The following RNMT variants were observed in gnomAD, a reference collection of about 807,000 sequenced individuals.
RNMT encodes the protein RNA guanine-7 methyltransferase.
RNMT carries 27 observed loss-of-function variants against 56.0 expected under a neutral mutation model. The observed-to-expected ratio is 0.48, with a 90% CI of 0.36 to 0.67. RNMT has a LOEUF of 0.67. Among genes scored for constraint, RNMT ranks in the 30% least tolerant of loss-of-function variants. The probability of loss-of-function intolerance (pLI) is 0.00; values close to 1 mark genes in which losing one functional copy is unlikely to be tolerated. For missense variants in RNMT, 519 were observed against 552.1 expected, an observed-to-expected ratio of 0.94 and a Z score of 0.60; for synonymous variants, 184 against 176.2, an observed-to-expected ratio of 1.04 and a Z score of -0.35.
intron 3 of RNMT, among the ~76,000 whole-genome samples, chr18:13,733,263 T>G (rs1450797853): frequency 1.3e-5 from 2 of 152,182 alleles, no homozygotes; most frequent in Non-Finnish European, 1.5e-5. Context: ...TCATGGCATT[T>G]TTACAGGATT....
At chr18:13,731,133 G>A (rs1039094787) in intron 2 of RNMT, among the ~76,000 whole-genome samples, 1 of 152,124 alleles carries the variant, frequency 6.6e-6, no homozygotes, top group East Asian at 1.9e-4. Context: ...TAGGCCAGGC[G>A]CAGTGGCTTA....
Position 13,731,501 on chromosome 18 carries a change from A to C in RNMT, c.-17A>C. The C allele has an allele frequency of 1.9e-6, 3 of 1,565,702 alleles. No homozygotes were observed. The highest frequency in any genetic ancestry group is 2.6e-6 in the Non-Finnish European group (3 of 1,157,830). ...TGTTGGTTCATGAAGTTTTACCATC[A>C]ATTCAAGTAATCATAAATGGCAAAT... On this transcript the variant is annotated 5_prime_UTR_variant, in exon 3 of 12. Coordinates refer to ENST00000383314, the MANE Select transcript of RNMT (RefSeq NM_003799.3).
chr18:13,763,923 G>A lies in RNMT; in HGVS notation c.*3944G>A, dbSNP rs2044648437. On this transcript the variant is annotated 3_prime_UTR_variant, in exon 12 of 12. Coordinates refer to ENST00000383314, the MANE Select transcript of RNMT (RefSeq NM_003799.3). ...AGGAGTGTTTATTTCTGAGTAAGGG[G>A]CTTTGTTGAAAGAGGGGGTTAGAGA... 1 of 152,284 alleles carries A rather than the reference G, an allele frequency of 6.6e-6. No individual in the cohort carries two copies. The highest frequency in any genetic ancestry group is 1.5e-5 in the Non-Finnish European group (1 of 68,110). 9.4% of individuals were successfully genotyped at this position (152,284 alleles called of 1,614,324 possible). A position where few individuals can be genotyped will look rare whatever the true frequency, so the allele number is the denominator to read the frequency against.
chr18:13,758,696 T>C (rs2044580837), intron 11 of RNMT, among the ~76,000 whole-genome samples: 1 of 152,192 alleles, frequency 6.6e-6, no homozygotes. Context: ...TCCAGTGTGT[T>C]CATTGGAGTA....
In RNMT at chr18:13,761,679, G is replaced by T. The variant is rs920310691; in HGVS notation, c.*1700G>T. On this transcript the variant is annotated 3_prime_UTR_variant, in exon 12 of 12. Transcript: ENST00000383314. ...CCTTCAGTGAACAGAAAGGAGCAGA[G>T]AGCAAGATTAGATCTGAGAAGATGC... The T allele has an allele frequency of 1.8e-5, 19 of 1,042,704 alleles. No homozygotes were observed. The highest frequency in any genetic ancestry group is 2.2e-5 in the Non-Finnish European group (19 of 865,604). The allele number at this position is 1,042,704 out of a possible 1,614,324, so 64.6% of individuals were successfully genotyped here. A position where few individuals can be genotyped will look rare whatever the true frequency, so the allele number is the denominator to read the frequency against.
chr18:13,742,763 G>A, intron 8 of RNMT, 111 bp downstream of exon 8: 4 of 740,280 alleles, frequency 5.4e-6, no homozygotes, highest in Non-Finnish European at 6.2e-6. Flanking sequence ...TAAAGAAAAA[G>A]TATAATCTTG....
chr18:13,734,782 G>A (rs73416649), intron 4 of RNMT, among the ~76,000 whole-genome samples, 183 bp downstream of exon 4: 2,156 of 152,072 alleles, frequency 0.014, 57 homozygotes, highest in African/African-American at 0.046. Context: ...TTTTCAGAAG[G>A]CAATATTTTT....
Position 13,763,332 on chromosome 18 carries a change from C to T in RNMT, c.*3353C>T. 1 of 350,936 alleles carries T rather than the reference C, an allele frequency of 2.8e-6. No homozygotes were observed. The highest frequency in any genetic ancestry group is 5.7e-6 in the Non-Finnish European group (1 of 174,598). 21.7% of individuals were successfully genotyped at this position (350,936 alleles called of 1,614,324 possible). ...ATCCCAGGGCACTGTCAGTTCTTCC[C>T]TCCCTCTCGTGCTGCTCAGTTTGTC... On this transcript the variant is annotated 3_prime_UTR_variant, in exon 12 of 12. Transcript: ENST00000383314.
chr18:13,740,078 C>A, intron 5 of RNMT, 89 bp from the exon 6 acceptor site: 1 of 813,564 alleles, frequency 1.2e-6, no homozygotes, highest in African/African-American at 1.7e-5. Flanking sequence ...CTAAGGCTGA[C>A]TTTTATGCCA....
In RNMT at chr18:13,727,949, C is replaced by T. The variant is rs565939915; in HGVS notation, c.-172+1220C>T. ...TTCATTCTTTTTAATGACTAATATT[C>T]CATTGTGTATATATGCTACATTATC... On this transcript the variant is annotated intron_variant, in intron 1 of 11. Coordinates refer to ENST00000383314, the MANE Select transcript of RNMT (RefSeq NM_003799.3). Among the ~76,000 whole-genome samples the T allele has an allele frequency of 4.6e-5, 7 of 152,318 alleles. No homozygotes were observed. In the South Asian group the frequency reaches 1.2e-3, roughly 27 times the overall value.
chr18:13,754,917 C>G (rs2044518008), intron 11 of RNMT, among the ~76,000 whole-genome samples: 1 of 152,170 alleles, frequency 6.6e-6, no homozygotes, highest in South Asian at 2.1e-4. Flanking sequence ...CAAAGATATT[C>G]TGAAGTGAGG....
In RNMT at chr18:13,734,945, T is replaced by C. The variant is rs2044134182; in HGVS notation, c.553+346T>C. Among the ~76,000 whole-genome samples, 4 of 152,200 alleles carry C rather than the reference T, an allele frequency of 2.6e-5. No homozygotes were observed. The South Asian group carries it at 8.3e-4, about 31-fold the overall frequency. ...GTCTTGATTTGTTTAGGCCTTCAAT[T>C]AGTTGATAAAGATCATGTGTATTAC... On this transcript the variant is annotated intron_variant, in intron 4 of 11. Coordinates refer to ENST00000383314, the MANE Select transcript of RNMT (RefSeq NM_003799.3).
intron 8 of RNMT, among the ~76,000 whole-genome samples, chr18:13,743,335 AATAAATAAATAAATAAATAAAT>A (rs1568505790): frequency 9.9e-6 from 1 of 100,554 alleles, no homozygotes; most frequent in African/African-American, 3.9e-5. Context: ...AAAAAAAATA[AATAAATAAATAAATAAATAAAT>A]AAATAAATAA....
chr18:13,744,117 CAA>C (rs1393922139), intron 8 of RNMT, among the ~76,000 whole-genome samples: 2 of 117,044 alleles, frequency 1.7e-5, no homozygotes, highest in South Asian at 2.7e-4. Flanking sequence ...GATAATAAAA[CAA>C]AAGATTTGTT....
intron 9 of RNMT, among the ~76,000 whole-genome samples, chr18:13,750,815 C>T (rs144727986): frequency 1.3e-5 from 2 of 151,878 alleles, no homozygotes; most frequent in Non-Finnish European, 2.9e-5. Context: ...AAAAAAGATG[C>T]TAGTTTACAT....
At chr18:13,733,326 T>A (rs997050264) in intron 3 of RNMT, among the ~76,000 whole-genome samples, 2 of 152,298 alleles carry the variant, frequency 1.3e-5, no homozygotes, top group African/African-American at 2.4e-5. Context: ...ATGTAACATA[T>A]ATAATAGCAT....
chr18:13,731,914 G>A lies in RNMT; in HGVS notation c.397G>A (p.Asp133Asn), dbSNP rs371607738. 8.2e-6 allele frequency: 13 copies of A among 1,593,236 alleles called. No homozygotes were observed. In the African/African-American group the frequency reaches 1.5e-4, roughly 18 times the overall value. The change falls in exon 3 of 12, where the codon GAT becomes AAT. Residue 133 changes from aspartate to asparagine, a missense_variant. Asp to Asn is a conservative substitution (Grantham distance 23). Transcript: ENST00000383314. ...TQNKRKIALEDVPEKQKNLEE... is the reference protein window; with the variant it reads ...TQNKRKIALENVPEKQKNLEE... ...AAATAAGAGAAAAATAGCACTTGAGGATGTTCCTGAAAAGCAGAAAGTATG... is the reference window on the plus strand; with the variant it reads ...AAATAAGAGAAAAATAGCACTTGAGAATGTTCCTGAAAAGCAGAAAGTATG...
intron 6 of RNMT, 120 bp downstream of exon 6, chr18:13,740,399 A>G (rs997006600): frequency 3.2e-6 from 2 of 618,820 alleles, no homozygotes; most frequent in Admixed American, 2.8e-5. Flanking sequence ...TTTTTGAGAC[A>G]GGGTCTTACT....
chr18:13,735,134 G>A (rs1252608472), intron 4 of RNMT, among the ~76,000 whole-genome samples: 1 of 152,088 alleles, frequency 6.6e-6, no homozygotes, highest in African/African-American at 2.4e-5. Flanking sequence ...TTATTGCTCT[G>A]TATATTTAGT....
Sources: gnomAD v4.1 joint callset for allele counts (sites outside exome capture counted in the v4.1 genomes callset) on GRCh38, gnomAD v4.1.1 for gene constraint, MANE v1.5 for transcripts, NCBI Gene and HGNC (gene_info 2026-07-23, HGNC 2026-07-21) for gene names.